EHMT1: variants seen among roughly 807,000 people sequenced by gnomAD.
The protein encoded by EHMT1 is euchromatic histone lysine methyltransferase 1, also known as histone-lysine N-methyltransferase EHMT1.
Under a neutral mutation model 147.2 loss-of-function variants are expected in EHMT1, and 15 were observed. The ratio of observed to expected loss-of-function variants is 0.10; its 90% confidence interval spans 0.07 to 0.16. The LOEUF (loss-of-function observed/expected upper bound fraction) is 0.16, where lower values mean the gene tolerates loss of function less well. Ranked by LOEUF, EHMT1 falls within the 10% of genes least tolerant of loss-of-function variation. The probability of loss-of-function intolerance (pLI) is 1.00; values close to 1 mark genes in which losing one functional copy is unlikely to be tolerated. For missense variants in EHMT1, 1,587 were observed against 1,772.4 expected (o/e 0.90, Z 1.88); for synonymous variants, 795 against 709.6 (o/e 1.12, Z -1.91).
chr9:137,802,600 G>C (rs1468360663), intron 18 of EHMT1: 6 of 400,622 alleles, frequency 1.5e-5, no homozygotes, highest in Non-Finnish European at 2.6e-5. Context: ...GCGTGGGCAC[G>C]GGCCCTTGCC....
chr9:137,817,415 T>C (rs1955006623), intron 23 of EHMT1, 24 bp from the exon 24 acceptor site: 1 of 1,613,430 alleles, frequency 6.2e-7, no homozygotes, highest in Non-Finnish European at 8.5e-7. Flanking sequence ...TGGCCTGGGT[T>C]CACCACTACT....
At position 137,717,142 on chromosome 9, in the gene EHMT1, A is replaced by T. The variant is rs768532500; in HGVS notation, c.602A>T (p.His201Leu). 1 of 1,612,574 alleles carries T rather than the reference A, an allele frequency of 6.2e-7. No homozygotes were observed. The highest frequency in any genetic ancestry group is 2.2e-5 in the East Asian group (1 of 44,880). The change falls in exon 3 of 27, where the codon CAC (histidine) becomes CTC (leucine). Residue 201 changes from histidine (H) to leucine (L), a missense_variant. By Grantham distance (99) the His-to-Leu change is moderately conservative (BLOSUM62 -3). This residue lies in a region of EHMT1 where 810 missense variants were observed against 673.0 expected (regional missense o/e 1.20). Transcript: ENST00000460843. ...GCCCCTGGCGCCGACGTCAAGGTCC[A>T]CAGGGCACGCAAGACCATGCCGAAG... is the stretch of plus-strand genomic sequence containing the variant. ...LPAPGADVKV[H>L]RARKTMPKSV...
rs775612651 is a variant in EHMT1, at chr9:137,716,735, T to C, written c.195T>C (p.Ser65=). ...CTTGTGAAAACAGCGATGCCAGCAG[T>C]CATGCAAATGCTGCAAAGCACACTC... ...NGSCENSDAS[S]HANAAKHTQD... The change falls in exon 3 of 27, where the codon AGT becomes AGC. Residue 65 remains serine, a synonymous_variant. Coordinates refer to ENST00000460843, the MANE Select transcript of EHMT1 (RefSeq NM_024757.5). The C allele has an allele frequency of 3.1e-6, 5 of 1,612,476 alleles. No individual in the cohort carries two copies. Among genetic ancestry groups the C allele is most frequent in the Non-Finnish European group, 8.5e-7 (1 of 1,179,394 alleles).
At chr9:137,631,441 C>G (rs1296621814) in intron 1 of EHMT1, among the ~76,000 whole-genome samples, 2 of 152,046 alleles carry the variant, frequency 1.3e-5, no homozygotes, top group Non-Finnish European at 2.9e-5. Flanking sequence ...AAGTACCTCC[C>G]TAGCCACTAG....
At chr9:137,789,904 AT>A (rs1480109067) in intron 15 of EHMT1, among the ~76,000 whole-genome samples, 3 of 152,036 alleles carry the variant, frequency 2.0e-5, no homozygotes, top group African/African-American at 7.2e-5. Context: ...TAATTTTTGT[AT>A]TTTTAGTAGA....
intron 1 of EHMT1, among the ~76,000 whole-genome samples, chr9:137,704,083 T>C (rs1323853199): frequency 6.6e-6 from 1 of 152,066 alleles, no homozygotes; most frequent in African/African-American, 2.4e-5. Flanking sequence ...CCACACACTT[T>C]CCAACAACCA....
chr9:137,829,149 C>A (rs769521070), intron 25 of EHMT1, among the ~76,000 whole-genome samples: 1 of 152,218 alleles, frequency 6.6e-6, no homozygotes, highest in Non-Finnish European at 1.5e-5. Flanking sequence ...CCTGCACCTC[C>A]TCACCTGCGG....
rs1013286904 is a variant in EHMT1, at chr9:137,768,848, C to G, written c.1647+6028C>G. ...TACAGGCGTGAGCCACCGCGCCCAG[C>G]CTAATTTTTTGTATTTTTAGTAGAG... On this transcript the variant is annotated intron_variant, in intron 10 of 26. Transcript: ENST00000460843. Among the ~76,000 whole-genome samples the G allele has an allele frequency of 2.6e-5, 4 of 151,268 alleles. No homozygotes were observed. The South Asian group carries it at 8.4e-4, about 32-fold the overall frequency.
At chr9:137,631,007 T>G (rs943505377) in intron 1 of EHMT1, among the ~76,000 whole-genome samples, 1 of 152,154 alleles carries the variant, frequency 6.6e-6, no homozygotes, top group Non-Finnish European at 1.5e-5. Flanking sequence ...GTGAGCAGGC[T>G]TGGCTTGAGT....
chr9:137,647,746 C>A (rs535633092), intron 1 of EHMT1, among the ~76,000 whole-genome samples: 1 of 152,120 alleles, frequency 6.6e-6, no homozygotes, highest in African/African-American at 2.4e-5. Flanking sequence ...ACGCGTGCGC[C>A]ACCATGCCCA....
chr9:137,817,789 T>G, intron 24 of EHMT1: 2 of 624,624 alleles, frequency 3.2e-6, no homozygotes, highest in Non-Finnish European at 5.6e-6. Flanking sequence ...GAAGGCGTGG[T>G]CCAGCATGGG....
chr9:137,741,230 C>T (rs576217996), intron 4 of EHMT1, among the ~76,000 whole-genome samples: 1 of 152,272 alleles, frequency 6.6e-6, no homozygotes, highest in South Asian at 2.1e-4. Context: ...CCCGCCTCGG[C>T]CTCGCAAAGT....
At chr9:137,692,985 A>T (rs1309762945) in intron 1 of EHMT1, among the ~76,000 whole-genome samples, 1 of 152,288 alleles carries the variant, frequency 6.6e-6, no homozygotes, top group East Asian at 1.9e-4. Context: ...AATCGGCTGG[A>T]CGGCACCTCT....
rs1344329358 is a variant in EHMT1 at position 137,835,049 on chromosome 9, C to T, written c.*96C>T. 3 of 1,298,570 alleles carry T rather than the reference C, an allele frequency of 2.3e-6. No individual in the cohort carries two copies. The highest frequency in any genetic ancestry group is 6.6e-5 in the East Asian group (2 of 30,254). The allele number at this position is 1,298,570 out of a possible 1,614,324, so 80.4% of individuals were successfully genotyped here. A position where few individuals can be genotyped will look rare whatever the true frequency, so the allele number is the denominator to read the frequency against. On this transcript the variant is annotated 3_prime_UTR_variant, in exon 27 of 27. Transcript: ENST00000460843. ...AGATTCCGCACGCAACCGAAAGGGT[C>T]CTTCGGGGCTGCGCCGCCGGCTTCC... is the stretch of plus-strand genomic sequence containing the variant.
rs1388776486 is a variant in EHMT1 at position 137,795,417 on chromosome 9, ACACACACACACTCT to A, written c.2506-3390_2506-3377del. Among the ~76,000 whole-genome samples, 113 of 17,294 alleles carry A rather than the reference ACACACACACACTCT, an allele frequency of 6.5e-3. 1 individual carries two copies. Among genetic ancestry groups the A allele is most frequent in the East Asian group, 0.11 (2 of 18 alleles). 11.3% of individuals were successfully genotyped at this position (17,294 alleles called of 152,430 possible). ...TCGCAGGGTGCACACACACACACAC[ACACACACACACTCT>A]CACACTCACATACACACACAGACAC... On this transcript the variant is annotated intron_variant, in intron 16 of 26. Coordinates refer to ENST00000460843, the MANE Select transcript of EHMT1 (RefSeq NM_024757.5).
At position 137,823,504 on chromosome 9, in the gene EHMT1, C is replaced by T. The variant is rs546190901; in HGVS notation, c.3540+5366C>T. ...TCGGCTCACTGCAAGCTCCGCCTCC[C>T]GGATTCACGCCATTCTCCTGCCTCA... On this transcript the variant is annotated intron_variant, in intron 25 of 26. Coordinates refer to ENST00000460843, the MANE Select transcript of EHMT1 (RefSeq NM_024757.5). The T allele has an allele frequency of 1.0e-3, 308 of 297,156 alleles. 1 individual carries two copies. Among genetic ancestry groups the T allele is most frequent in the African/African-American group, 4.1e-3 (171 of 41,784 alleles). The allele number at this position is 297,156 out of a possible 1,614,324, so 18.4% of individuals were successfully genotyped here.
In EHMT1 at chr9:137,704,782, G is replaced by A. The variant is rs558492576; in HGVS notation, c.22-6185G>A. 5.0e-3 allele frequency among the ~76,000 whole-genome samples: 435 copies of A among 86,682 alleles called. 4 individuals carry two copies. Among genetic ancestry groups the A allele is most frequent in the South Asian group, 0.022 (53 of 2,450 alleles). The allele number at this position is 86,682 out of a possible 152,430, so 56.9% of individuals were successfully genotyped here. A position where few individuals can be genotyped will look rare whatever the true frequency, so the allele number is the denominator to read the frequency against. ...CTTCCTCCTGCCTTCCCTCCCTCCCGCCTGCCTTCCCTCCCTCCCGCCCTC... is the reference window on the plus strand; with the variant it reads ...CTTCCTCCTGCCTTCCCTCCCTCCCACCTGCCTTCCCTCCCTCCCGCCCTC... On this transcript the variant is annotated intron_variant, in intron 1 of 26. Coordinates refer to ENST00000460843, the MANE Select transcript of EHMT1 (RefSeq NM_024757.5).
intron 1 of EHMT1, among the ~76,000 whole-genome samples, chr9:137,625,939 T>C (rs1843225501): frequency 6.6e-6 from 1 of 151,614 alleles, no homozygotes; most frequent in Non-Finnish European, 1.5e-5. Context: ...CACTGCAACC[T>C]CTGCCTCCCG....
At chr9:137,824,351 T>C (rs1564830510) in intron 25 of EHMT1, among the ~76,000 whole-genome samples, 1 of 152,250 alleles carries the variant, frequency 6.6e-6, no homozygotes, top group Non-Finnish European at 1.5e-5. Flanking sequence ...GTCTGGACCA[T>C]GTTTTGTTCC....
Sources: gnomAD v4.1 joint callset for allele counts (sites outside exome capture counted in the v4.1 genomes callset) on GRCh38, gnomAD v4.1.1 for gene constraint, gnomAD v4.1.1 regional missense constraint, MANE v1.5 for transcripts, NCBI Gene and HGNC (gene_info 2026-07-23, HGNC 2026-07-21) for gene names.